Variants in IDE observed in about 807,000 individuals in gnomAD.
IDE encodes insulin degrading enzyme.
Under a neutral mutation model 133.2 loss-of-function variants are expected in IDE, and 58 were observed. That is an observed-to-expected ratio of 0.44 (90% CI 0.35 to 0.54). The LOEUF is 0.54. Among genes scored for constraint, IDE ranks in the 20% least tolerant of loss-of-function variants. The pLI is 0.00. For missense variants in IDE, 981 were observed against 1,234.0 expected (o/e 0.79, Z 3.07); for synonymous variants, 396 against 421.3 (o/e 0.94, Z 0.73).
At chr10:92,549,424 T>C (rs1170332988) in intron 1 of IDE, among the ~76,000 whole-genome samples, 1 of 152,184 alleles carries the variant, frequency 6.6e-6, no homozygotes, top group Non-Finnish European at 1.5e-5. Context: ...AACGCTTCTA[T>C]AATTAAACTC....
At chr10:92,547,834 C>G (rs1213628173) in intron 1 of IDE, among the ~76,000 whole-genome samples, 3 of 152,160 alleles carry the variant, frequency 2.0e-5, no homozygotes, top group African/African-American at 7.2e-5. Context: ...ATTACATACC[C>G]TCACCTTTAC....
chr10:92,550,566 G>A (rs1467925893), intron 1 of IDE, among the ~76,000 whole-genome samples: 1 of 151,102 alleles, frequency 6.6e-6, no homozygotes, highest in African/African-American at 2.4e-5. Flanking sequence ...CAGGAGAATG[G>A]TGTGAACCCA....
At chr10:92,456,062 C>T (rs1387613333) in intron 23 of IDE, among the ~76,000 whole-genome samples, 1 of 152,220 alleles carries the variant, frequency 6.6e-6, no homozygotes, top group Non-Finnish European at 1.5e-5. Context: ...GGGAAGTTAA[C>T]TTGCTTACCC....
chr10:92,523,394 AAAAGAAAGAAATTTTCTTTCTTTTC>A (rs1340987198), intron 4 of IDE, among the ~76,000 whole-genome samples: 1 of 151,928 alleles, frequency 6.6e-6, no homozygotes, highest in Non-Finnish European at 1.5e-5. Flanking sequence ...GAAAGAAAAG[AAAAGAAAGAAATTTTCTTTCTTTTC>A]ACTTGCTGGG....
At chr10:92,464,075 T>G in intron 20 of IDE, 72 bp from the exon 21 acceptor site, 1 of 1,447,886 alleles carries the variant, frequency 6.9e-7, no homozygotes, top group Non-Finnish European at 9.4e-7. Flanking sequence ...CTTCAAAAAC[T>G]AACCTGTCTG....
At chr10:92,560,562 C>A (rs936920315) in intron 1 of IDE, among the ~76,000 whole-genome samples, 18 of 152,126 alleles carry the variant, frequency 1.2e-4, no homozygotes, top group African/African-American at 4.3e-4. Flanking sequence ...GCACGTGGAT[C>A]ACCTGAGGAC....
At chr10:92,526,511 A>G (rs1362089583) in intron 4 of IDE, among the ~76,000 whole-genome samples, 1 of 152,078 alleles carries the variant, frequency 6.6e-6, no homozygotes, top group Non-Finnish European at 1.5e-5. Flanking sequence ...AATCTCATTT[A>G]ATATTGGCAT....
intron 1 of IDE, among the ~76,000 whole-genome samples, chr10:92,561,982 T>C (rs1424305453): frequency 6.6e-6 from 1 of 152,148 alleles, no homozygotes; most frequent in African/African-American, 2.4e-5. Flanking sequence ...AATATAATGT[T>C]TACAAGGCCA....
chr10:92,521,624 C>T (rs185750085), intron 4 of IDE, among the ~76,000 whole-genome samples: 2 of 151,780 alleles, frequency 1.3e-5, no homozygotes, highest in East Asian at 3.9e-4. Flanking sequence ...GTGGGAGAAT[C>T]GCTTGAAACT....
At chr10:92,497,757 C>T in intron 11 of IDE, 2 of 956,774 alleles carry the variant, frequency 2.1e-6, no homozygotes, top group Non-Finnish European at 1.2e-6. Context: ...ACTACAGTTA[C>T]AACTGTTAAC....
intron 11 of IDE, among the ~76,000 whole-genome samples, chr10:92,495,907 C>G (rs1847670016): frequency 6.6e-6 from 1 of 151,098 alleles, no homozygotes. Flanking sequence ...GACAGGGTTG[C>G]TCTATCCCCC....
chr10:92,454,424 TTCCCATGCATG>T lies in IDE; in HGVS notation c.*9_*19del. 1 of 1,548,988 alleles carries T rather than the reference TTCCCATGCATG, an allele frequency of 6.5e-7. No individual in the cohort carries two copies. The highest frequency in any genetic ancestry group is 1.1e-5 in the South Asian group (1 of 89,756). ...ACTCAGGAATGCATCCACTTGCACT[TTCCCATGCATG>T]GGGAATCTTCAGAGTTTTGCAGCCA... On this transcript the variant is annotated 3_prime_UTR_variant, in exon 25 of 25. Transcript: ENST00000265986.
At chr10:92,553,018 C>G (rs141671865) in intron 1 of IDE, among the ~76,000 whole-genome samples, 1 of 151,748 alleles carries the variant, frequency 6.6e-6, no homozygotes, top group Non-Finnish European at 1.5e-5. Flanking sequence ...GAAGAAACTC[C>G]TAAGGGTCCA....
chr10:92,489,323 A>C (rs1221055075), intron 12 of IDE, among the ~76,000 whole-genome samples: 1 of 152,142 alleles, frequency 6.6e-6, no homozygotes, highest in Admixed American at 6.6e-5. Context: ...AGGCTGAGGC[A>C]GGCGGATCAC....
Position 92,465,636 on chromosome 10 carries a change from A to G in IDE, c.2488+40T>C, listed in dbSNP as rs538469. On this transcript the variant is annotated intron_variant, in intron 20 of 24. Coordinates refer to ENST00000265986, the MANE Select transcript of IDE (RefSeq NM_004969.4). The stretch of plus-strand genomic sequence containing the variant: ...GTTTTACAGGGAAAATAATTCATCA[A>G]AGTCTACAGTACCCTGCTATTTCCC... The G allele has an allele frequency of 1.5e-3, 2,362 of 1,539,946 alleles. 44 individuals carry two copies. In the African/African-American group the frequency reaches 0.029, roughly 19 times the overall value.
At chr10:92,569,483 T>A (rs1051170221) in intron 1 of IDE, among the ~76,000 whole-genome samples, 2 of 152,288 alleles carry the variant, frequency 1.3e-5, no homozygotes, top group African/African-American at 2.4e-5. Context: ...ACGAAGATGA[T>A]CATGGCCTGA....
intron 4 of IDE, among the ~76,000 whole-genome samples, chr10:92,529,318 T>C (rs984080125): frequency 6.6e-6 from 1 of 152,238 alleles, no homozygotes; most frequent in African/African-American, 2.4e-5. Context: ...ACAGAACTTC[T>C]ACTCCAAAAA....
Position 92,465,768 on chromosome 10 carries a change from A to G in IDE, c.2396T>C (p.Met799Thr). ...AAACATATTCTCTGAGGTGCTTTGCATGTCTGTTTGGTAGTATATCTCGAT... is the reference window on the plus strand; with the variant it reads ...AAACATATTCTCTGAGGTGCTTTGCGTGTCTGTTTGGTAGTATATCTCGAT... ...CGIEIYYQTD[M>T]QSTSENMFLE... The change falls in exon 20 of 25, where the codon ATG (methionine) becomes ACG (threonine). Residue 799 changes from methionine to threonine, a missense_variant. Transcript: ENST00000265986. 3.1e-6 allele frequency: 5 copies of G among 1,613,868 alleles called. No individual in the cohort carries two copies. The highest frequency in any genetic ancestry group is 4.2e-6 in the Non-Finnish European group (5 of 1,179,764).
rs544537 is a variant in IDE, at chr10:92,469,061, T to A, written c.2209-71A>T. 1,884 of 846,406 alleles carry A rather than the reference T, an allele frequency of 2.2e-3. 33 individuals carry two copies. In the African/African-American group the frequency reaches 0.028, roughly 13 times the overall value. 52.4% of individuals were successfully genotyped at this position (846,406 alleles called of 1,614,324 possible). Reference sequence around the variant, plus strand: ...ATCTTGTTTGTGAAATAAACTGGCTTTGTTTATCATAAAAGTGGATTCTAA... The same window carrying A: ...ATCTTGTTTGTGAAATAAACTGGCTATGTTTATCATAAAAGTGGATTCTAA... On this transcript the variant is annotated intron_variant, in intron 18 of 24. Coordinates refer to ENST00000265986, the MANE Select transcript of IDE (RefSeq NM_004969.4).
Sources: allele counts gnomAD v4.1 joint callset (sites outside exome capture counted in the v4.1 genomes callset), GRCh38; gene constraint gnomAD v4.1.1; transcripts MANE v1.5; gene names NCBI Gene and HGNC (gene_info 2026-07-23, HGNC 2026-07-21).